Variants in MEIS1 observed in about 807,000 individuals in gnomAD.
MEIS1 encodes Meis homeobox 1.
In MEIS1, 5 loss-of-function variants were observed where a neutral mutation model predicts 50.8. The ratio of observed to expected loss-of-function variants is 0.10; its 90% confidence interval spans 0.05 to 0.21. The LOEUF (loss-of-function observed/expected upper bound fraction) is 0.21. MEIS1 is among the 10% of genes least tolerant of loss of function. MEIS1 has a pLI of 1.00. For synonymous variants in MEIS1, 176 were observed against 179.3 expected, an observed-to-expected ratio of 0.98 and a Z score of 0.15; for missense variants, 318 against 517.3, an observed-to-expected ratio of 0.61 and a Z score of 3.74.
chr2:66,568,926 T>C, intron 11 of MEIS1, 124 bp from the exon 12 acceptor site: 6 of 1,096,448 alleles, frequency 5.5e-6, no homozygotes, highest in Admixed American at 3.4e-5. Flanking sequence ...AGGATCTTTA[T>C]GCACTGAAGA....
chr2:66,439,414 G>T, intron 2 of MEIS1: 1 of 1,283,916 alleles, frequency 7.8e-7, no homozygotes, highest in South Asian at 2.7e-5. Context: ...TCGCGCGGCC[G>T]CCTAGGAGGA....
chr2:66,525,793 A>G (rs1674235614), intron 8 of MEIS1, among the ~76,000 whole-genome samples: 2 of 152,216 alleles, frequency 1.3e-5, no homozygotes, highest in East Asian at 1.9e-4. Flanking sequence ...CACCACAAGG[A>G]AACATCTTCA....
chr2:66,516,374 G>C (rs1673969824), intron 8 of MEIS1, among the ~76,000 whole-genome samples: 1 of 152,096 alleles, frequency 6.6e-6, no homozygotes, highest in Non-Finnish European at 1.5e-5. Flanking sequence ...TGGTGATTCT[G>C]ATGGTGAACT....
At chr2:66,498,760 G>C (rs1042117295) in intron 7 of MEIS1, among the ~76,000 whole-genome samples, 2 of 152,170 alleles carry the variant, frequency 1.3e-5, no homozygotes, top group African/African-American at 4.8e-5. Flanking sequence ...TTATTTGCCT[G>C]GAGGGGAAGA....
Position 66,439,856 on chromosome 2 carries a change from C to G in MEIS1, c.253C>G (p.Pro85Ala). 1.2e-6 allele frequency: 2 copies of G among 1,613,270 alleles called. No homozygotes were observed. Among genetic ancestry groups the G allele is most frequent in the Non-Finnish European group, 1.7e-6 (2 of 1,179,576 alleles). Residue 85 changes from proline (P) to alanine (A), a missense_variant, in exon 3 of 13, where the codon CCT becomes GCT. Physicochemically the swap from Pro to Ala is conservative, Grantham distance 27 (BLOSUM62 -1). Coordinates refer to ENST00000272369, the MANE Select transcript of MEIS1 (RefSeq NM_002398.3). ...ATTTTCTTGCAGACACCCCCTCTTC[C>G]CTCTCTTAGCACTGATTTTTGAGAA... is the stretch of plus-strand genomic sequence containing the variant. ...KDAIYGHPLFPLLALIFEKCE... is the reference protein window; with the variant it reads ...KDAIYGHPLFALLALIFEKCE...
chr2:66,486,766 T>G (rs1673153721), intron 7 of MEIS1, among the ~76,000 whole-genome samples: 1 of 152,250 alleles, frequency 6.6e-6, no homozygotes, highest in Non-Finnish European at 1.5e-5. Flanking sequence ...GTGTCCTTTC[T>G]TATTTTCTTG....
chr2:66,509,933 G>A (rs1014444691), intron 7 of MEIS1, among the ~76,000 whole-genome samples: 1 of 152,156 alleles, frequency 6.6e-6, no homozygotes, highest in Non-Finnish European at 1.5e-5. Context: ...TGCATTGCTT[G>A]CTAAATTAAT....
chr2:66,514,333 GAAAC>G (rs1241038930), intron 8 of MEIS1, among the ~76,000 whole-genome samples: 1 of 152,126 alleles, frequency 6.6e-6, no homozygotes, highest in Non-Finnish European at 1.5e-5. Context: ...TTATCTTCTT[GAAAC>G]AAACAAACAA....
chr2:66,488,241 A>G (rs1253168481), intron 7 of MEIS1, among the ~76,000 whole-genome samples: 1 of 152,192 alleles, frequency 6.6e-6, no homozygotes. Context: ...TTACTGGTAT[A>G]AACAGATTAA....
intron 8 of MEIS1, among the ~76,000 whole-genome samples, chr2:66,525,534 T>A (rs958473128): frequency 6.6e-6 from 1 of 152,268 alleles, no homozygotes; most frequent in African/African-American, 2.4e-5. Context: ...TTTATCATAT[T>A]AGTTTGACAA....
rs906230593 is a variant in MEIS1 at position 66,463,493 on chromosome 2, C to T, written c.631-616C>T. On this transcript the variant is annotated intron_variant, in intron 6 of 12. Coordinates refer to ENST00000272369, the MANE Select transcript of MEIS1 (RefSeq NM_002398.3). Reference sequence around the variant, plus strand: ...GTGATAAGAAGCAACATCTGTTTTCCGTTCAATAGTACAAGAAGGCTCTGC... The same window carrying T: ...GTGATAAGAAGCAACATCTGTTTTCTGTTCAATAGTACAAGAAGGCTCTGC... 3.9e-5 allele frequency among the ~76,000 whole-genome samples: 6 copies of T among 152,098 alleles called. No homozygotes were observed. In the South Asian group the frequency reaches 8.3e-4, roughly 21 times the overall value.
At chr2:66,518,410 G>C (rs1184488229) in intron 8 of MEIS1, among the ~76,000 whole-genome samples, 2 of 152,142 alleles carry the variant, frequency 1.3e-5, no homozygotes, top group African/African-American at 4.8e-5. Context: ...CCAAGGTTAA[G>C]ATACAGATAC....
At chr2:66,499,068 A>G (rs1673484302) in intron 7 of MEIS1, among the ~76,000 whole-genome samples, 1 of 152,224 alleles carries the variant, frequency 6.6e-6, no homozygotes, top group Admixed American at 6.5e-5. Context: ...GAGTGGCACT[A>G]CAAATTCACA....
intron 7 of MEIS1, among the ~76,000 whole-genome samples, chr2:66,475,032 C>T (rs1226828192): frequency 6.6e-6 from 1 of 151,524 alleles, no homozygotes; most frequent in Non-Finnish European, 1.5e-5. Context: ...TTGAGTGCCC[C>T]TACTACTTAT....
At chr2:66,514,700 T>C (rs1673920861) in intron 8 of MEIS1, among the ~76,000 whole-genome samples, 1 of 152,224 alleles carries the variant, frequency 6.6e-6, no homozygotes. Flanking sequence ...TAATTGTTCT[T>C]ATAACATCAT....
Position 66,435,637 on chromosome 2 carries a change from C to G in MEIS1, c.-220C>G, listed in dbSNP as rs768373718. The G allele has an allele frequency of 4.8e-6, 2 of 414,036 alleles. No individual in the cohort carries two copies. The highest frequency in any genetic ancestry group is 8.6e-6 in the Non-Finnish European group (2 of 231,808). The allele number at this position is 414,036 out of a possible 1,614,324, so 25.6% of individuals were successfully genotyped here. ...CCCCGCTGCTGTCTTGGAAACGGAG[C>G]GCTTTTATGCTCAGTGACTCGGGCG... On this transcript the variant is annotated 5_prime_UTR_variant, in exon 1 of 13. Transcript: ENST00000272369.
intron 7 of MEIS1, among the ~76,000 whole-genome samples, chr2:66,470,757 C>T (rs1465861247): frequency 2.0e-5 from 3 of 152,094 alleles, no homozygotes; most frequent in South Asian, 2.1e-4. Flanking sequence ...AGATATTCTT[C>T]GAACACAGAA....
chr2:66,519,761 G>A (rs1386167541), intron 8 of MEIS1, among the ~76,000 whole-genome samples: 3 of 151,962 alleles, frequency 2.0e-5, no homozygotes, highest in Admixed American at 2.0e-4. Context: ...TAAATTAGTT[G>A]GTATTTAAAT....
intron 5 of MEIS1, among the ~76,000 whole-genome samples, chr2:66,442,083 A>G (rs1284140803): frequency 6.6e-6 from 1 of 152,180 alleles, no homozygotes; most frequent in African/African-American, 2.4e-5. Context: ...GTGTGGGATA[A>G]CATGATTTTG....
Sources: gnomAD v4.1 joint callset for allele counts (sites outside exome capture counted in the v4.1 genomes callset) on GRCh38, gnomAD v4.1.1 for gene constraint, MANE v1.5 for transcripts, NCBI Gene and HGNC (gene_info 2026-07-23, HGNC 2026-07-21) for gene names.